GDF6: variants seen among roughly 807,000 people sequenced by gnomAD.
GDF6 encodes the protein growth/differentiation factor 6.
A neutral mutation model predicts 32.4 loss-of-function variants in GDF6; 3 were observed. The observed-to-expected ratio is 0.09, with a 90% CI of 0.04 to 0.24. The LOEUF (loss-of-function observed/expected upper bound fraction) is 0.24. Ranked by LOEUF, GDF6 falls within the 10% of genes least tolerant of loss-of-function variation. GDF6 has a pLI of 1.00. For synonymous variants in GDF6, 296 were observed against 295.3 expected (o/e 1.00, Z -0.03); for missense variants, 589 against 637.9 (o/e 0.92, Z 0.83).
intron 1 of GDF6, among the ~76,000 whole-genome samples, chr8:96,152,037 C>T (rs773813982): frequency 2.0e-5 from 3 of 152,218 alleles, no homozygotes; most frequent in Non-Finnish European, 4.4e-5. Flanking sequence ...ACCTGTCCTT[C>T]TCTTGACTTC....
rs1812436594 is a variant in GDF6 at position 96,144,580 on chromosome 8, A to C, written c.1351T>G (p.Ser451Ala). ...YKQYEDMVVE[S>A]CGCR ...AGGCACCGCTACCTGCAGCCGCACGACTCCACCACCATGTCCTCGTACTGC... is the reference window on the plus strand; with the variant it reads ...AGGCACCGCTACCTGCAGCCGCACGCCTCCACCACCATGTCCTCGTACTGC... The change falls in exon 2 of 2, where the codon TCG becomes GCG. Residue 451 changes from serine to alanine, a missense_variant. This residue lies in a region of GDF6 where 153 missense variants were observed against 226.7 expected (regional missense o/e 0.67). Transcript: ENST00000287020. The surrounding 1 kb of genome is among the most constrained non-coding windows in gnomAD (Gnocchi z 5.1). The C allele has an allele frequency of 6.2e-7, 1 of 1,613,596 alleles. No homozygotes were observed. Among genetic ancestry groups the C allele is most frequent in the Non-Finnish European group, 8.5e-7 (1 of 1,179,896 alleles).
At chr8:96,151,890 A>G (rs1291548870) in intron 1 of GDF6, among the ~76,000 whole-genome samples, 2 of 152,220 alleles carry the variant, frequency 1.3e-5, no homozygotes, top group East Asian at 3.9e-4. Flanking sequence ...CTGTAAAATG[A>G]GAGAACCACC....
rs746556723 is a variant in GDF6, at chr8:96,145,463, T to C, written c.468A>G (p.Ser156=). The C allele has an allele frequency of 2.5e-6, 4 of 1,597,868 alleles. No homozygotes were observed. The highest frequency in any genetic ancestry group is 3.4e-6 in the Non-Finnish European group (4 of 1,179,640). Residue 156 remains serine (S), a synonymous_variant, in exon 2 of 2, where the codon TCA becomes TCG. Transcript: ENST00000287020. The surrounding 1 kb of genome is among the most constrained non-coding windows in gnomAD (Gnocchi z 5.6). ...CCGCGCCCACCAGCTCTTCTTTGTC[T>C]GAGAGCATGGACACATCAAACAAAT... ...QKYLFDVSML[S]DKEELVGAEL... is the part of the protein sequence containing the mutation.
chr8:96,146,705 C>CAGAGAGAGAG (rs555323322), intron 1 of GDF6, among the ~76,000 whole-genome samples: 1,508 of 138,372 alleles, frequency 0.011, 33 homozygotes, highest in African/African-American at 0.039. Flanking sequence ...CACACACACA[C>CAGAGAGAGAG]ACAGAGAGAG....
chr8:96,160,783 G>A lies in GDF6; in HGVS notation c.-91C>T, dbSNP rs1812748537. ...GCGGCTGGACAGCGGCCGGGGCCCG[G>A]CTCCTCGGGCGGACTCGGAGTGCGA... On this transcript the variant is annotated 5_prime_UTR_variant, in exon 1 of 2. Coordinates refer to ENST00000287020, the MANE Select transcript of GDF6 (RefSeq NM_001001557.4). The A allele has an allele frequency of 2.3e-6, 3 of 1,320,960 alleles. No individual in the cohort carries two copies. The highest frequency in any genetic ancestry group is 5.1e-5 in the East Asian group (2 of 39,244). The allele number at this position is 1,320,960 out of a possible 1,614,324, so 81.8% of individuals were successfully genotyped here. A position where few individuals can be genotyped will look rare whatever the true frequency, so the allele number is the denominator to read the frequency against.
Position 96,160,548 on chromosome 8 carries a change from C to T in GDF6, c.145G>A (p.Gly49Ser), listed in dbSNP as rs1426414869. 6.2e-7 allele frequency: 1 copy of T among 1,613,646 alleles called. No homozygotes were observed. The highest frequency in any genetic ancestry group is 1.3e-5 in the African/African-American group (1 of 75,056). Reference sequence around the variant, plus strand: ...TCGCGCGGCGCCCGCTGCATCTTGCCTTCCTTGCGGCTTCGCATGCCCTTG... The same window carrying T: ...TCGCGCGGCGCCCGCTGCATCTTGCTTTCCTTGCGGCTTCGCATGCCCTTG... Reference protein sequence around the residue: ...STKGMRSRKEGKMQRAPRDSD... With the variant: ...STKGMRSRKESKMQRAPRDSD... The change falls in exon 1 of 2, where the codon GGC becomes AGC. Residue 49 changes from glycine (G) to serine (S), a missense_variant. Gly to Ser is a moderately conservative substitution (Grantham distance 56). Around this residue, in one of 2 missense-constraint regions of GDF6, gnomAD observed 436 missense variants for 411.2 expected, o/e 1.06. Transcript: ENST00000287020.
chr8:96,160,199 A>T, intron 1 of GDF6, 88 bp downstream of exon 1: 1 of 1,279,016 alleles, frequency 7.8e-7, no homozygotes, highest in Non-Finnish European at 1.1e-6. Flanking sequence ...GCAGGAAGGG[A>T]ATTCACAAAT....
intron 1 of GDF6, among the ~76,000 whole-genome samples, chr8:96,159,953 C>A (rs556216721): frequency 6.6e-6 from 1 of 152,310 alleles, no homozygotes; most frequent in East Asian, 1.9e-4. Context: ...CGACCCCTCT[C>A]CAGCCGGGTT....
At chr8:96,146,845 G>T (rs1812493940) in intron 1 of GDF6, among the ~76,000 whole-genome samples, 2 of 152,200 alleles carry the variant, frequency 1.3e-5, no homozygotes, top group African/African-American at 2.4e-5. Context: ...GACAGGTGAG[G>T]TAGGGGAGTG....
intron 1 of GDF6, among the ~76,000 whole-genome samples, chr8:96,154,496 A>G (rs1312213335): frequency 6.6e-6 from 1 of 151,898 alleles, no homozygotes; most frequent in Non-Finnish European, 1.5e-5. Flanking sequence ...AGAGTTTAAA[A>G]ATAAACAGCC....
rs1812477120 is a variant in GDF6, at chr8:96,145,837, G to A, written c.407-313C>T. Among the ~76,000 whole-genome samples the A allele has an allele frequency of 6.6e-6, 1 of 152,164 alleles. No homozygotes were observed. The highest frequency in any genetic ancestry group is 6.5e-5 in the Admixed American group (1 of 15,280). ...CCCAAAAGGCTTCGTAACCACTAATGTGCCCTTTGTGGTCTCAAGCCTGGG... is the reference window on the plus strand; with the variant it reads ...CCCAAAAGGCTTCGTAACCACTAATATGCCCTTTGTGGTCTCAAGCCTGGG... On this transcript the variant is annotated intron_variant, in intron 1 of 1. Coordinates refer to ENST00000287020, the MANE Select transcript of GDF6 (RefSeq NM_001001557.4). The surrounding 1 kb of genome is among the most constrained non-coding windows in gnomAD (Gnocchi z 5.6).
intron 1 of GDF6, among the ~76,000 whole-genome samples, chr8:96,150,474 G>A (rs1238575964): frequency 6.6e-6 from 1 of 152,370 alleles, no homozygotes; most frequent in East Asian, 1.9e-4. Flanking sequence ...AGCGCTTGTA[G>A]GGCACCACCT....
At chr8:96,156,666 A>G (rs1393847380) in intron 1 of GDF6, among the ~76,000 whole-genome samples, 1 of 152,206 alleles carries the variant, frequency 6.6e-6, no homozygotes, top group Admixed American at 6.5e-5. Flanking sequence ...ATCCAACATC[A>G]TTTTTAAAGC....
Position 96,160,421 on chromosome 8 carries a change from C to G in GDF6, c.272G>C (p.Arg91Pro), listed in dbSNP as rs768741148. The G allele has an allele frequency of 4.3e-6, 7 of 1,613,998 alleles. 1 individual carries two copies. The African/African-American group carries it at 6.7e-5, about 15-fold the overall frequency. Residue 91 changes from arginine to proline, a missense_variant, in exon 1 of 2, where the codon CGC (arginine) becomes CCC (proline). By Grantham distance (103) the Arg-to-Pro change is moderately radical. Transcript: ENST00000287020. ...RAQEPPGRGP[R>P]VVPHEYMLSI... ...CAGCATGTACTCGTGGGGCACCACG[C>G]GCGGACCCCTGCCTGGCGGCTCCTG...
rs139304817 is a variant in GDF6, at chr8:96,147,530, C to T, written c.407-2006G>A. Among the ~76,000 whole-genome samples, 184 of 152,328 alleles carry T rather than the reference C, an allele frequency of 1.2e-3. 1 individual carries two copies. The highest frequency in any genetic ancestry group is 9.1e-3 in the East Asian group (47 of 5,184). ...ACTAGCTAAATGTGGTTAGGAATAA[C>T]ATATTTCCAATCTATATCCACCTGC... is the stretch of plus-strand genomic sequence containing the variant. On this transcript the variant is annotated intron_variant, in intron 1 of 1. Transcript: ENST00000287020.
At position 96,160,524 on chromosome 8, in the gene GDF6, C is replaced by A; in HGVS notation, c.169G>T (p.Asp57Tyr). ...TGGCCCTCCCGGCCCGCGTCACTGT[C>A]GCGCGGCGCCCGCTGCATCTTGCCT... ...KEGKMQRAPR[D>Y]SDAGREGQEP... The change falls in exon 1 of 2, where the codon GAC (aspartate) becomes TAC (tyrosine). Residue 57 changes from aspartate (D) to tyrosine (Y), a missense_variant. Asp to Tyr is a radical substitution (Grantham distance 160, BLOSUM62 -3). Transcript: ENST00000287020. 1 of 1,613,336 alleles carries A rather than the reference C, an allele frequency of 6.2e-7. No homozygotes were observed. The highest frequency in any genetic ancestry group is 8.5e-7 in the Non-Finnish European group (1 of 1,179,662).
chr8:96,156,488 T>A (rs1295704354), intron 1 of GDF6, among the ~76,000 whole-genome samples: 3 of 151,948 alleles, frequency 2.0e-5, no homozygotes, highest in African/African-American at 7.3e-5. Context: ...TAGAACTAAT[T>A]GTCTGGCTTT....
chr8:96,160,537 C>T lies in GDF6; in HGVS notation c.156G>A (p.Gln52=), dbSNP rs1477772856. The change falls in exon 1 of 2, where the codon CAG becomes CAA. Residue 52 remains glutamine, a synonymous_variant. Coordinates refer to ENST00000287020, the MANE Select transcript of GDF6 (RefSeq NM_001001557.4). ...GMRSRKEGKM[Q]RAPRDSDAGR... ...CCGCGTCACTGTCGCGCGGCGCCCG[C>T]TGCATCTTGCCTTCCTTGCGGCTTC... The T allele has an allele frequency of 1.9e-6, 3 of 1,613,562 alleles. No homozygotes were observed. Among genetic ancestry groups the T allele is most frequent in the South Asian group, 1.1e-5 (1 of 91,088 alleles).
At position 96,150,860 on chromosome 8, in the gene GDF6, C is replaced by A. The variant is rs369477386; in HGVS notation, c.407-5336G>T. Among the ~76,000 whole-genome samples, 10 of 152,170 alleles carry A rather than the reference C, an allele frequency of 6.6e-5. No homozygotes were observed. In the East Asian group the frequency reaches 1.9e-3, roughly 29 times the overall value. On this transcript the variant is annotated intron_variant, in intron 1 of 1. Coordinates refer to ENST00000287020, the MANE Select transcript of GDF6 (RefSeq NM_001001557.4). ...CCCAGGATTTTTTTTCTTTTCTTTA[C>A]TACAAAGAAGACCTCCAAGCTCAAA...
Sources: allele counts gnomAD v4.1 joint callset (sites outside exome capture counted in the v4.1 genomes callset), GRCh38; gene constraint gnomAD v4.1.1; regional missense constraint gnomAD v4.1.1; non-coding constraint Gnocchi (gnomAD v3.1); transcripts MANE v1.5; gene names NCBI Gene and HGNC (gene_info 2026-07-23, HGNC 2026-07-21).